ARHGAP5: variants seen among roughly 807,000 people sequenced by gnomAD.
The protein encoded by ARHGAP5 is Rho GTPase activating protein 5.
A neutral mutation model predicts 116.6 loss-of-function variants in ARHGAP5; 23 were observed. The observed-to-expected ratio is 0.20, with a 90% CI of 0.14 to 0.28. The LOEUF (loss-of-function observed/expected upper bound fraction) is 0.28. Among genes scored for constraint, ARHGAP5 ranks in the 10% least tolerant of loss-of-function variants. The pLI, the probability that ARHGAP5 is intolerant of heterozygous loss-of-function variation, is 1.00. For missense variants in ARHGAP5, 1,405 were observed against 1,774.8 expected, an observed-to-expected ratio of 0.79 and a Z score of 3.74; for synonymous variants, 574 against 602.0, an observed-to-expected ratio of 0.95 and a Z score of 0.68.
At chr14:32,147,814 C>T (rs17478241) in intron 4 of ARHGAP5, among the ~76,000 whole-genome samples, 28,923 of 152,140 alleles carry the variant, frequency 0.19, 3,451 homozygotes, top group Admixed American at 0.41. Flanking sequence ...TATACAAAAA[C>T]ACACCTTGTT....
intron 3 of ARHGAP5, among the ~76,000 whole-genome samples, chr14:32,141,448 A>G (rs1044228200): frequency 6.6e-6 from 1 of 152,202 alleles, no homozygotes; most frequent in Non-Finnish European, 1.5e-5. Context: ...TTACATCTTT[A>G]TACATTTTAT....
chr14:32,121,199 G>A (rs186573470), intron 3 of ARHGAP5, among the ~76,000 whole-genome samples: 4 of 151,708 alleles, frequency 2.6e-5, no homozygotes, highest in Admixed American at 1.3e-4. Context: ...GTAGAAACAG[G>A]GTTTTGCCAT....
At chr14:32,119,207 G>T (rs995088690) in intron 3 of ARHGAP5, among the ~76,000 whole-genome samples, 1 of 151,710 alleles carries the variant, frequency 6.6e-6, no homozygotes, top group Non-Finnish European at 1.5e-5. Context: ...TGAGAAATTT[G>T]TTCATTTCAT....
At chr14:32,087,179 G>GA (rs112930062) in intron 1 of ARHGAP5, among the ~76,000 whole-genome samples, 9,436 of 150,810 alleles carry the variant, frequency 0.063, 918 homozygotes, top group African/African-American at 0.21. Context: ...GTGGGAGCAT[G>GA]AAAAAAAACA....
At chr14:32,110,792 A>T (rs1173230840) in intron 2 of ARHGAP5, among the ~76,000 whole-genome samples, 1 of 152,192 alleles carries the variant, frequency 6.6e-6, no homozygotes, top group Non-Finnish European at 1.5e-5. Context: ...GATGGTAAAA[A>T]GTAAGTAGAT....
At chr14:32,146,556 G>A (rs1170064134) in intron 4 of ARHGAP5, among the ~76,000 whole-genome samples, 1 of 152,144 alleles carries the variant, frequency 6.6e-6, no homozygotes, top group Non-Finnish European at 1.5e-5. Flanking sequence ...CATTAGCAAG[G>A]AAGTCACTGA....
chr14:32,153,939 GA>G (rs1881774933), intron 6 of ARHGAP5: 1 of 151,646 alleles, frequency 6.6e-6, no homozygotes, highest in Non-Finnish European at 1.5e-5. Flanking sequence ...GAAAAAAAAA[GA>G]GAGGAACAGA....
intron 1 of ARHGAP5, among the ~76,000 whole-genome samples, chr14:32,087,972 A>G (rs779062425): frequency 4.6e-5 from 7 of 152,042 alleles, no homozygotes; most frequent in Non-Finnish European, 7.4e-5. Flanking sequence ...TCCACTCTTC[A>G]TTTAAGACCC....
chr14:32,088,210 C>T (rs2041849897), intron 1 of ARHGAP5, among the ~76,000 whole-genome samples: 1 of 151,708 alleles, frequency 6.6e-6, no homozygotes, highest in Non-Finnish European at 1.5e-5. Context: ...TTGAATTACT[C>T]TTGGTTTTCA....
chr14:32,094,945 T>C (rs1243317972), intron 2 of ARHGAP5, among the ~76,000 whole-genome samples: 1 of 152,332 alleles, frequency 6.6e-6, no homozygotes, highest in South Asian at 2.1e-4. Flanking sequence ...TAGGTATTAA[T>C]CCATCTAATG....
chr14:32,108,630 G>GT (rs1484433109), intron 2 of ARHGAP5, among the ~76,000 whole-genome samples: 3 of 152,026 alleles, frequency 2.0e-5, no homozygotes, highest in Non-Finnish European at 2.9e-5. Context: ...TATTACTTGG[G>GT]TTTTTTTAAT....
chr14:32,130,776 C>T (rs1387626350), intron 3 of ARHGAP5, among the ~76,000 whole-genome samples: 1 of 152,162 alleles, frequency 6.6e-6, no homozygotes, highest in Admixed American at 6.5e-5. Flanking sequence ...TGTGATCCAC[C>T]TGCCTCGGCC....
intron 2 of ARHGAP5, among the ~76,000 whole-genome samples, chr14:32,103,547 G>A (rs927731852): frequency 2.0e-5 from 3 of 152,194 alleles, no homozygotes; most frequent in Non-Finnish European, 4.4e-5. Context: ...TGTTAAGTAT[G>A]TGTCAAGGAG....
chr14:32,108,239 G>C (rs564014904), intron 2 of ARHGAP5, among the ~76,000 whole-genome samples: 1 of 152,256 alleles, frequency 6.6e-6, no homozygotes, highest in Non-Finnish European at 1.5e-5. Context: ...GCTGTGAAAG[G>C]GAGCAAGAAT....
intron 3 of ARHGAP5, among the ~76,000 whole-genome samples, chr14:32,133,358 G>T (rs1271895287): frequency 2.0e-5 from 3 of 152,162 alleles, no homozygotes; most frequent in Non-Finnish European, 4.4e-5. Context: ...TTGTGAATGG[G>T]AGTTCACTCA....
intron 3 of ARHGAP5, among the ~76,000 whole-genome samples, chr14:32,127,526 G>T (rs951086516): frequency 3.3e-5 from 5 of 152,222 alleles, no homozygotes; most frequent in African/African-American, 4.8e-5. Context: ...CAAGGCAGAA[G>T]AATTTTTCTT....
chr14:32,133,184 C>T (rs1880598450), intron 3 of ARHGAP5, among the ~76,000 whole-genome samples: 1 of 152,126 alleles, frequency 6.6e-6, no homozygotes, highest in African/African-American at 2.4e-5. Flanking sequence ...GGCAATATGG[C>T]CATTTTCACG....
In ARHGAP5 at chr14:32,113,860, G is replaced by A. The variant is rs1879427066; in HGVS notation, c.3718-3280G>A. Among the ~76,000 whole-genome samples, 3 of 152,120 alleles carry A rather than the reference G, an allele frequency of 2.0e-5. No homozygotes were observed. The South Asian group carries it at 6.2e-4, about 32-fold the overall frequency. On this transcript the variant is annotated intron_variant, in intron 2 of 6. Coordinates refer to ENST00000345122, the MANE Select transcript of ARHGAP5 (RefSeq NM_001030055.2). ...TCTTAAAACTTTATATTCCTCAGAT[G>A]GTATTACAGACTGTTAAGATCCCTT...
chr14:32,099,834 A>G lies in ARHGAP5; in HGVS notation c.3717+5448A>G, dbSNP rs193072870. On this transcript the variant is annotated intron_variant, in intron 2 of 6. Transcript: ENST00000345122. The stretch of plus-strand genomic sequence containing the variant: ...GGAAAACCATAGCTTTTGGGCATTA[A>G]TGGCATCTAAGGAAGATTCAGATAT... Among the ~76,000 whole-genome samples the G allele has an allele frequency of 2.5e-3, 375 of 152,268 alleles. 1 individual carries two copies. The highest frequency in any genetic ancestry group is 3.4e-3 in the Non-Finnish European group (234 of 68,010).
Sources: allele counts gnomAD v4.1 joint callset (sites outside exome capture counted in the v4.1 genomes callset), GRCh38; gene constraint gnomAD v4.1.1; transcripts MANE v1.5; gene names NCBI Gene and HGNC (gene_info 2026-07-23, HGNC 2026-07-21).